DAG1: variants seen among roughly 807,000 people sequenced by gnomAD.
DAG1 encodes the protein dystroglycan 1 (dystrophin-associated glycoprotein 1).
Under a neutral mutation model 46.1 loss-of-function variants are expected in DAG1, and 8 were observed. The observed-to-expected ratio is 0.17, with a 90% CI of 0.10 to 0.31. The LOEUF (loss-of-function observed/expected upper bound fraction) is 0.31. DAG1 is among the 10% of genes least tolerant of loss of function. The probability of loss-of-function intolerance (pLI) is 1.00; values close to 1 mark genes in which losing one functional copy is unlikely to be tolerated. For missense variants in DAG1, 1,003 were observed against 1,189.9 expected (o/e 0.84, Z 2.31); for synonymous variants, 495 against 481.8 (o/e 1.03, Z -0.36).
At chr3:49,493,036 C>CTTTTTTATTTTT (rs2050227235) in intron 1 of DAG1, 1 of 86,380 alleles carries the variant, frequency 1.2e-5, no homozygotes, top group African/African-American at 4.6e-5. Context: ...TATTTTTATT[C>CTTTTTTATTTTT]TTTTTTTTTT....
chr3:49,532,716 A>C lies in DAG1; in HGVS notation c.2205A>C (p.Glu735Asp), dbSNP rs1186941977. Residue 735 changes from glutamate to aspartate, a missense_variant, in exon 3 of 3, where the codon GAA becomes GAC. Around this residue, in one of 3 missense-constraint regions of DAG1, gnomAD observed 755 missense variants for 854.1 expected, o/e 0.88. Transcript: ENST00000308775. The surrounding 1 kb of genome is among the most constrained non-coding windows in gnomAD (Gnocchi z 5.4). The stretch of plus-strand genomic sequence containing the variant: ...TGCCCTCAGAGGCGCCGCCCACAGA[A>C]GTGCCTGACAGGGACCCTGAGAAGA... ...RRVPSEAPPT[E>D]VPDRDPEKSS... The C allele has an allele frequency of 6.2e-7, 1 of 1,614,040 alleles. No homozygotes were observed. Among genetic ancestry groups the C allele is most frequent in the Admixed American group, 1.7e-5 (1 of 60,014 alleles).
intron 2 of DAG1, among the ~76,000 whole-genome samples, chr3:49,511,461 C>T (rs2050759820): frequency 6.6e-6 from 1 of 152,154 alleles, no homozygotes; most frequent in Admixed American, 6.5e-5. Flanking sequence ...GGAATTTCCC[C>T]TAGATCTTAA....
At position 49,514,167 on chromosome 3, in the gene DAG1, G is replaced by A. The variant is rs1201640971; in HGVS notation, c.285+3348G>A. On this transcript the variant is annotated intron_variant, in intron 2 of 2. Coordinates refer to ENST00000308775, the MANE Select transcript of DAG1 (RefSeq NM_004393.6). ...ACTCTTCGTTCCAGTCTTAACCACC[G>A]GGATTATATGGGTTGGGGAGTCAGA... Among the ~76,000 whole-genome samples the A allele has an allele frequency of 3.3e-5, 5 of 152,088 alleles. No individual in the cohort carries two copies. In the South Asian group the frequency reaches 6.2e-4, roughly 19 times the overall value.
intron 1 of DAG1, among the ~76,000 whole-genome samples, chr3:49,490,880 C>CTTTTTTT (rs972440561): frequency 1.4e-4 from 12 of 87,850 alleles, no homozygotes; most frequent in East Asian, 3.2e-4. Flanking sequence ...CTCCTAAATT[C>CTTTTTTT]TTTTTTTTTT....
chr3:49,486,158 A>T (rs2050017676), intron 1 of DAG1, among the ~76,000 whole-genome samples: 1 of 151,936 alleles, frequency 6.6e-6, no homozygotes, highest in South Asian at 2.1e-4. Context: ...GTTCTGCAAG[A>T]GAGATTTATA....
At chr3:49,477,528 A>C (rs2049716405) in intron 1 of DAG1, among the ~76,000 whole-genome samples, 2 of 152,090 alleles carry the variant, frequency 1.3e-5, no homozygotes. Flanking sequence ...CCTGGGCTCA[A>C]ACGATCCTCC....
At chr3:49,484,826 T>C (rs2049978715) in intron 1 of DAG1, among the ~76,000 whole-genome samples, 1 of 151,582 alleles carries the variant, frequency 6.6e-6, no homozygotes. Flanking sequence ...GACGGAGTCT[T>C]GCTCTTGTCA....
chr3:49,479,527 C>G (rs1188085607), intron 1 of DAG1, among the ~76,000 whole-genome samples: 2 of 150,910 alleles, frequency 1.3e-5, no homozygotes, highest in Admixed American at 1.3e-4. Flanking sequence ...CCAAGCTGGT[C>G]TCGAACTGAA....
chr3:49,527,795 G>A (rs1297519742), intron 2 of DAG1, among the ~76,000 whole-genome samples: 1 of 152,202 alleles, frequency 6.6e-6, no homozygotes, highest in Non-Finnish European at 1.5e-5. Flanking sequence ...TAGCCACTCA[G>A]GAATGTCCCA....
In DAG1 at chr3:49,484,944, G is replaced by A. The variant is rs2049983354; in HGVS notation, c.-117+14511G>A. Reference sequence around the variant, plus strand: ...CCCGAGTAGCTGGGATTACAGATGCGCGCCACCACATTGGGCTAATTTTTG... The same window carrying A: ...CCCGAGTAGCTGGGATTACAGATGCACGCCACCACATTGGGCTAATTTTTG... On this transcript the variant is annotated intron_variant, in intron 1 of 2. Transcript: ENST00000308775. Among the ~76,000 whole-genome samples the A allele has an allele frequency of 2.6e-5, 4 of 151,514 alleles. No homozygotes were observed. In the Middle Eastern group the frequency reaches 0.01, roughly 389 times the overall value.
In DAG1 at chr3:49,531,518, C is replaced by G. The variant is rs768191755; in HGVS notation, c.1007C>G (p.Ser336Cys). 3 of 1,612,058 alleles carry G rather than the reference C, an allele frequency of 1.9e-6. No homozygotes were observed. Among genetic ancestry groups the G allele is most frequent in the Non-Finnish European group, 2.5e-6 (3 of 1,178,362 alleles). Reference sequence around the variant, plus strand: ...ACCACGGCTATCCAGGAGCCCCCATCCAGGATCGTGCCAACCCCCACATCT... The same window carrying G: ...ACCACGGCTATCCAGGAGCCCCCATGCAGGATCGTGCCAACCCCCACATCT... ...PPTTAIQEPPSRIVPTPTSPA... is the reference protein window; with the variant it reads ...PPTTAIQEPPCRIVPTPTSPA... The change falls in exon 3 of 3, where the codon TCC becomes TGC. Residue 336 changes from serine (S) to cysteine (C), a missense_variant. This residue lies in a region of DAG1 where 755 missense variants were observed against 854.1 expected (regional missense o/e 0.88). Coordinates refer to ENST00000308775, the MANE Select transcript of DAG1 (RefSeq NM_004393.6). The surrounding 1 kb of genome is among the most constrained non-coding windows in gnomAD (Gnocchi z 7.0).
chr3:49,504,552 C>T (rs1395431319), intron 1 of DAG1, among the ~76,000 whole-genome samples: 4 of 141,014 alleles, frequency 2.8e-5, no homozygotes, highest in Non-Finnish European at 6.1e-5. Context: ...GTATCTGTCC[C>T]TCCACCAATA....
In DAG1 at chr3:49,517,861, G is replaced by A. The variant is rs183316498; in HGVS notation, c.285+7042G>A. ...GCATTAACAGAGGTGGAGCAACAAC[G>A]GTAAGACATGTGGGACAGTGGTGGG... On this transcript the variant is annotated intron_variant, in intron 2 of 2. Transcript: ENST00000308775. Among the ~76,000 whole-genome samples, 190 of 152,300 alleles carry A rather than the reference G, an allele frequency of 1.2e-3. 1 individual carries two copies. Among genetic ancestry groups the A allele is most frequent in the African/African-American group, 4.3e-3 (178 of 41,562 alleles).
At chr3:49,508,702 T>C (rs2050680024) in intron 1 of DAG1, among the ~76,000 whole-genome samples, 1 of 151,968 alleles carries the variant, frequency 6.6e-6, no homozygotes. Flanking sequence ...GCCTGGCATG[T>C]ATTTTTAGTA....
At chr3:49,525,613 C>T (rs1450809930) in intron 2 of DAG1, among the ~76,000 whole-genome samples, 2 of 150,444 alleles carry the variant, frequency 1.3e-5, no homozygotes, top group South Asian at 2.1e-4. Context: ...GCTGGAGTGC[C>T]GTGGCGTGAT....
intron 2 of DAG1, among the ~76,000 whole-genome samples, chr3:49,512,272 G>C (rs984842302): frequency 6.6e-6 from 1 of 151,976 alleles, no homozygotes; most frequent in Non-Finnish European, 1.5e-5. Context: ...GCACAATCTT[G>C]GCTCACTGCA....
intron 1 of DAG1, among the ~76,000 whole-genome samples, chr3:49,504,207 C>G (rs897564876): frequency 2.6e-5 from 4 of 151,990 alleles, no homozygotes; most frequent in Non-Finnish European, 4.4e-5. Flanking sequence ...ATAATTTTGT[C>G]ATTCAAGAAT....
intron 2 of DAG1, among the ~76,000 whole-genome samples, chr3:49,513,770 T>G (rs973314417): frequency 3.9e-5 from 6 of 152,214 alleles, no homozygotes; most frequent in African/African-American, 1.4e-4. Flanking sequence ...TAAAGTTTCC[T>G]TGTCATCTTT....
chr3:49,486,186 T>TTTTATTTG (rs2050019730), intron 1 of DAG1, among the ~76,000 whole-genome samples: 1 of 145,118 alleles, frequency 6.9e-6, no homozygotes, highest in Admixed American at 6.9e-5. Context: ...TTTCTTTTTC[T>TTTTATTTG]TTTATTTATT....
Sources: gnomAD v4.1 joint callset for allele counts (sites outside exome capture counted in the v4.1 genomes callset) on GRCh38, gnomAD v4.1.1 for gene constraint, gnomAD v4.1.1 regional missense constraint, Gnocchi (gnomAD v3.1) non-coding constraint, MANE v1.5 for transcripts, NCBI Gene and HGNC (gene_info 2026-07-23, HGNC 2026-07-21) for gene names.